The following ALDH4A1 variants were observed in gnomAD, a reference collection of about 807,000 sequenced individuals.
The protein encoded by ALDH4A1 is delta-1-pyrroline-5-carboxylate dehydrogenase, mitochondrial.
ALDH4A1 carries 46 observed loss-of-function variants against 70.5 expected under a neutral mutation model. The ratio of observed to expected loss-of-function variants is 0.65; its 90% CI spans 0.51 to 0.83. ALDH4A1 has a LOEUF of 0.83. Among genes scored for constraint, ALDH4A1 ranks in the 40% least tolerant of loss-of-function variants. ALDH4A1 has a pLI of 0.00. For synonymous variants in ALDH4A1, 323 were observed against 324.3 expected (o/e 1.00, Z 0.04); for missense variants, 749 against 766.5 (o/e 0.98, Z 0.27).
intron 1 of ALDH4A1, chr1:18,890,854 A>G: frequency 1.0e-6 from 1 of 985,510 alleles, no homozygotes; most frequent in Non-Finnish European, 1.2e-6. Context: ...TCCAGAACAC[A>G]GTCTCAGAAT....
chr1:18,899,006 G>A (rs901884049), intron 1 of ALDH4A1, among the ~76,000 whole-genome samples: 11 of 152,222 alleles, frequency 7.2e-5, no homozygotes, highest in Non-Finnish European at 1.6e-4. Context: ...CACCTGCTAC[G>A]TGGCTGTTAA....
At chr1:18,877,119 T>C in intron 11 of ALDH4A1, 89 bp downstream of exon 11, 1 of 1,511,644 alleles carries the variant, frequency 6.6e-7, no homozygotes, top group Non-Finnish European at 9.0e-7. Flanking sequence ...GGTCATGCCC[T>C]GGGTCAGGGT....
intron 1 of ALDH4A1, 118 bp downstream of exon 1, chr1:18,902,344 C>T: frequency 2.3e-6 from 2 of 871,538 alleles, no homozygotes; most frequent in Non-Finnish European, 3.1e-6. Flanking sequence ...CCGGCGTTGA[C>T]CGAGGCAGCT....
At chr1:18,895,616 C>G (rs1347169761) in intron 1 of ALDH4A1, among the ~76,000 whole-genome samples, 2 of 152,148 alleles carry the variant, frequency 1.3e-5, no homozygotes, top group Non-Finnish European at 2.9e-5. Flanking sequence ...GTTGCAAGTA[C>G]TGGGATCTGA....
chr1:18,882,022 C>T (rs1163743969), intron 7 of ALDH4A1, 135 bp from the exon 8 acceptor site: 2 of 902,736 alleles, frequency 2.2e-6, no homozygotes, highest in East Asian at 2.6e-5. Context: ...ATCCCCTACC[C>T]GACCCCACTC....
chr1:18,896,106 C>T (rs879768387), intron 1 of ALDH4A1, among the ~76,000 whole-genome samples: 21 of 152,096 alleles, frequency 1.4e-4, no homozygotes, highest in Admixed American at 8.5e-4. Context: ...GAATGGGGCT[C>T]CTATCGGATT....
chr1:18,888,121 C>T (rs1042027797), intron 3 of ALDH4A1, among the ~76,000 whole-genome samples: 5 of 152,246 alleles, frequency 3.3e-5, no homozygotes, highest in African/African-American at 1.2e-4. Flanking sequence ...CACGTGGCGG[C>T]TCATGGCCGC....
intron 8 of ALDH4A1, 71 bp from the exon 9 acceptor site, chr1:18,879,444 G>A (rs543375323): frequency 1.4e-6 from 2 of 1,394,738 alleles, no homozygotes; most frequent in South Asian, 2.4e-5. Context: ...AGCCCAGGGA[G>A]GAGCATTGCC....
At chr1:18,884,612 T>A (rs1935118867) in intron 5 of ALDH4A1, among the ~76,000 whole-genome samples, 1 of 152,132 alleles carries the variant, frequency 6.6e-6, no homozygotes, top group East Asian at 1.9e-4. Flanking sequence ...TCCTGAAAGG[T>A]ATCATGCAAA....
At chr1:18,886,958 AT>A (rs1935225532) in intron 3 of ALDH4A1, among the ~76,000 whole-genome samples, 1 of 152,164 alleles carries the variant, frequency 6.6e-6, no homozygotes, top group Admixed American at 6.5e-5. Context: ...GGGATCATGG[AT>A]GAAAATTCTT....
intron 1 of ALDH4A1, 134 bp downstream of exon 1, chr1:18,902,328 A>T: frequency 1.5e-6 from 1 of 667,546 alleles, no homozygotes; most frequent in Non-Finnish European, 2.2e-6. Context: ...GGAGCCCCTG[A>T]GGAACCCGGC....
intron 1 of ALDH4A1, among the ~76,000 whole-genome samples, chr1:18,891,095 G>A (rs1431200801): frequency 6.6e-6 from 1 of 152,222 alleles, no homozygotes; most frequent in African/African-American, 2.4e-5. Flanking sequence ...AGGGTCACAA[G>A]GTGGGAGGTC....
At chr1:18,875,890 ATCT>A (rs1235391109) in intron 12 of ALDH4A1, among the ~76,000 whole-genome samples, 1 of 152,162 alleles carries the variant, frequency 6.6e-6, no homozygotes, top group East Asian at 1.9e-4. Flanking sequence ...TGGGGGGAAG[ATCT>A]TCTCAGGCAC....
rs1210842407 is a variant in ALDH4A1 at position 18,898,047 on chromosome 1, G to A, written c.62+4415C>T. Among the ~76,000 whole-genome samples, 1 of 152,178 alleles carries A rather than the reference G, an allele frequency of 6.6e-6. No homozygotes were observed. The highest frequency in any genetic ancestry group is 2.4e-5 in the African/African-American group (1 of 41,434). ...ACCCTAACAGAAGGTCGGACGCAGTGGCTCACGCCTATAATCCCAGCACTT... is the reference window on the plus strand; with the variant it reads ...ACCCTAACAGAAGGTCGGACGCAGTAGCTCACGCCTATAATCCCAGCACTT... On this transcript the variant is annotated intron_variant, in intron 1 of 14. Transcript: ENST00000375341. This position sits in a 1 kb window ranked among gnomAD's most constrained non-coding sequence, Gnocchi z 4.3.
intron 4 of ALDH4A1, among the ~76,000 whole-genome samples, chr1:18,886,202 C>T (rs988490199): frequency 6.6e-6 from 1 of 152,200 alleles, no homozygotes; most frequent in Admixed American, 6.5e-5. Context: ...TCTGCCCCAC[C>T]ACAATGGGCA....
rs575600013 is a variant in ALDH4A1 at position 18,872,798 on chromosome 1, G to C, written c.*47C>G. The C allele has an allele frequency of 6.6e-7, 1 of 1,504,860 alleles. No individual in the cohort carries two copies. The highest frequency in any genetic ancestry group is 1.1e-5 in the South Asian group (1 of 88,242). The allele number at this position is 1,504,860 out of a possible 1,614,324, so 93.2% of individuals were successfully genotyped here. ...GGAGTGGGGTCTGTGCAGTGAGGTC[G>C]GCCACCTGGACGGACAGACAGCTGG... On this transcript the variant is annotated 3_prime_UTR_variant, in exon 15 of 15. Transcript: ENST00000375341.
chr1:18,894,741 G>A (rs906122024), intron 1 of ALDH4A1, among the ~76,000 whole-genome samples: 2 of 152,028 alleles, frequency 1.3e-5, no homozygotes, highest in South Asian at 2.1e-4. Flanking sequence ...CCAGCTGTCC[G>A]TCCATCAGTC....
At chr1:18,884,043 C>T (rs1935095724) in intron 5 of ALDH4A1, among the ~76,000 whole-genome samples, 1 of 152,204 alleles carries the variant, frequency 6.6e-6, no homozygotes, top group African/African-American at 2.4e-5. Flanking sequence ...TTGACGTGGC[C>T]TCCTCTTGGC....
At chr1:18,897,605 C>T (rs1003511829) in intron 1 of ALDH4A1, among the ~76,000 whole-genome samples, 3 of 152,186 alleles carry the variant, frequency 2.0e-5, no homozygotes, top group African/African-American at 7.2e-5. Flanking sequence ...GAGGGACACT[C>T]GACCGTAGAA....
Sources: gnomAD v4.1 joint callset for allele counts (sites outside exome capture counted in the v4.1 genomes callset) on GRCh38, gnomAD v4.1.1 for gene constraint, Gnocchi (gnomAD v3.1) non-coding constraint, MANE v1.5 for transcripts, NCBI Gene and HGNC (gene_info 2026-07-23, HGNC 2026-07-21) for gene names.